Variants in STXBP5L observed in about 807,000 individuals in gnomAD.
The protein encoded by STXBP5L is syntaxin binding protein 5L.
In STXBP5L, 65 loss-of-function variants were observed where a neutral mutation model predicts 144.5. The observed-to-expected ratio is 0.45, with a 90% CI of 0.37 to 0.55. The LOEUF (loss-of-function observed/expected upper bound fraction) is 0.55. Among genes scored for constraint, STXBP5L ranks in the 20% least tolerant of loss-of-function variants. The pLI, the probability that STXBP5L is intolerant of heterozygous loss-of-function variation, is 0.00. For synonymous variants in STXBP5L, 505 were observed against 469.6 expected (o/e 1.08, Z -0.97); for missense variants, 1,298 against 1,405.5 (o/e 0.92, Z 1.22).
At chr3:121,148,930 C>A (rs2045827957) in intron 7 of STXBP5L, among the ~76,000 whole-genome samples, 1 of 151,932 alleles carries the variant, frequency 6.6e-6, no homozygotes, top group South Asian at 2.1e-4. Flanking sequence ...ACTAATGCTA[C>A]AAATATAATA....
chr3:121,242,680 T>C (rs566439572), intron 14 of STXBP5L, among the ~76,000 whole-genome samples: 1 of 152,174 alleles, frequency 6.6e-6, no homozygotes, highest in South Asian at 2.1e-4. Context: ...CATTCAAATA[T>C]AGAGATTGAC....
intron 5 of STXBP5L, among the ~76,000 whole-genome samples, chr3:121,048,310 T>A (rs1947665950): frequency 6.6e-6 from 1 of 152,128 alleles, no homozygotes; most frequent in African/African-American, 2.4e-5. Flanking sequence ...TTGGAGAATC[T>A]AATTATGTGT....
At position 120,974,368 on chromosome 3, in the gene STXBP5L, C is replaced by T. The variant is rs1038379792; in HGVS notation, c.287+19331C>T. Among the ~76,000 whole-genome samples the T allele has an allele frequency of 8.8e-4, 134 of 151,826 alleles. 1 individual carries two copies. Among genetic ancestry groups the T allele is most frequent in the South Asian group, 7.5e-3 (36 of 4,808 alleles). Reference sequence around the variant, plus strand: ...TTGAGAAGTGTCTGTTCATGTCCTTCGCCCACTTTTTGATGGGGTTGTTTG... The same window carrying T: ...TTGAGAAGTGTCTGTTCATGTCCTTTGCCCACTTTTTGATGGGGTTGTTTG... On this transcript the variant is annotated intron_variant, in intron 3 of 26. Transcript: ENST00000471454.
At chr3:121,137,247 A>T (rs920436521) in intron 7 of STXBP5L, among the ~76,000 whole-genome samples, 3 of 141,108 alleles carry the variant, frequency 2.1e-5, no homozygotes, top group South Asian at 2.2e-4. Flanking sequence ...TGAAAAGAAT[A>T]AAAAAAATGT....
chr3:121,210,839 T>C (rs2048533826), intron 10 of STXBP5L, among the ~76,000 whole-genome samples: 1 of 152,194 alleles, frequency 6.6e-6, no homozygotes, highest in African/African-American at 2.4e-5. Context: ...TGTAGCCTTG[T>C]AGTATAGTTT....
chr3:121,367,556 A>G (rs1029363944), intron 20 of STXBP5L, among the ~76,000 whole-genome samples: 1 of 101,224 alleles, frequency 9.9e-6, no homozygotes, highest in Admixed American at 1.1e-4. Flanking sequence ...TCACTTCTCT[A>G]TTGCTGCTTT....
intron 7 of STXBP5L, among the ~76,000 whole-genome samples, chr3:121,126,588 CATG>C (rs2044714096): frequency 6.6e-6 from 1 of 152,084 alleles, no homozygotes; most frequent in African/African-American, 2.4e-5. Flanking sequence ...ATAAAGTAGT[CATG>C]GTGTTTAATT....
chr3:121,402,061 G>A (rs2046890851), intron 22 of STXBP5L, among the ~76,000 whole-genome samples: 1 of 152,112 alleles, frequency 6.6e-6, no homozygotes, highest in Non-Finnish European at 1.5e-5. Flanking sequence ...TAGGCCTAGT[G>A]CATTTTCATT....
rs146262702 is a variant in STXBP5L, at chr3:121,228,862, G to C, written c.1112-4754G>C. 2.4e-4 allele frequency among the ~76,000 whole-genome samples: 37 copies of C among 152,316 alleles called. No homozygotes were observed. In the East Asian group the frequency reaches 6.0e-3, roughly 25 times the overall value. ...ACTGCACTCCAACCTGGGCGATAGAGTGAGACTCCGTCTCAGAAAAGAAAA... is the reference window on the plus strand; with the variant it reads ...ACTGCACTCCAACCTGGGCGATAGACTGAGACTCCGTCTCAGAAAAGAAAA... On this transcript the variant is annotated intron_variant, in intron 11 of 26. Transcript: ENST00000471454.
At chr3:121,188,496 CA>C (rs2047493986) in intron 9 of STXBP5L, among the ~76,000 whole-genome samples, 1 of 68,450 alleles carries the variant, frequency 1.5e-5, no homozygotes, top group African/African-American at 5.0e-5. Flanking sequence ...GGTAGAGACA[CA>C]GCAAAAAAAA....
At chr3:121,332,292 G>A in intron 20 of STXBP5L, among the ~76,000 whole-genome samples, 1 of 149,646 alleles carries the variant, frequency 6.7e-6, no homozygotes, top group East Asian at 2.0e-4. Context: ...TCAAAGGGTT[G>A]ATTATTAAGT....
chr3:121,388,027 T>A (rs1446768753), intron 22 of STXBP5L, among the ~76,000 whole-genome samples: 1 of 152,226 alleles, frequency 6.6e-6, no homozygotes, highest in Non-Finnish European at 1.5e-5. Context: ...ATTCTTCCTA[T>A]CCATGAGCAT....
chr3:121,124,756 A>G (rs1271197313), intron 7 of STXBP5L, among the ~76,000 whole-genome samples: 1 of 152,072 alleles, frequency 6.6e-6, no homozygotes, highest in Non-Finnish European at 1.5e-5. Context: ...ATGGTTATAT[A>G]TATCTTTTTT....
Position 121,391,866 on chromosome 3 carries a change from C to A in STXBP5L, c.2587+10334C>A, listed in dbSNP as rs1171038049. Among the ~76,000 whole-genome samples the A allele has an allele frequency of 2.6e-5, 4 of 152,164 alleles. 1 individual carries two copies. Among genetic ancestry groups the A allele is most frequent in the Admixed American group, 2.0e-4 (3 of 15,266 alleles). On this transcript the variant is annotated intron_variant, in intron 22 of 26. Coordinates refer to ENST00000471454, the MANE Select transcript of STXBP5L (RefSeq NM_001308330.2). Reference sequence around the variant, plus strand: ...AGTTAGTCTACATGGGGTTCAGGGACCCACTTGAGGAGGCAGTCTGTCTGT... The same window carrying A: ...AGTTAGTCTACATGGGGTTCAGGGAACCACTTGAGGAGGCAGTCTGTCTGT...
At chr3:121,404,651 T>C (rs1039547364) in intron 22 of STXBP5L, among the ~76,000 whole-genome samples, 3 of 152,136 alleles carry the variant, frequency 2.0e-5, no homozygotes, top group African/African-American at 4.8e-5. Context: ...GAATCTGAGA[T>C]TTTATTCTAC....
intron 3 of STXBP5L, among the ~76,000 whole-genome samples, chr3:120,987,342 TGTG>T (rs1409183438): frequency 6.6e-6 from 1 of 152,028 alleles, no homozygotes; most frequent in African/African-American, 2.4e-5. Context: ...AAGAACTAAT[TGTG>T]GTACTAATTT....
intron 20 of STXBP5L, among the ~76,000 whole-genome samples, chr3:121,361,610 T>A (rs1376095252): frequency 6.6e-6 from 1 of 152,098 alleles, no homozygotes; most frequent in African/African-American, 2.4e-5. Context: ...AGTTGCATTT[T>A]TCAGCTCCAG....
chr3:120,971,520 C>G (rs905434778), intron 3 of STXBP5L, among the ~76,000 whole-genome samples: 5 of 151,742 alleles, frequency 3.3e-5, no homozygotes, highest in Non-Finnish European at 7.4e-5. Flanking sequence ...CTATTTCTTT[C>G]TATTTCTGAG....
Position 121,045,502 on chromosome 3 carries a change from C to G in STXBP5L, c.437C>G (p.Ala146Gly). Residue 146 changes from alanine (A) to glycine (G), a missense_variant, in exon 5 of 27, where the codon GCC (alanine) becomes GGC (glycine). By Grantham distance (60) the Ala-to-Gly change is moderately conservative. Transcript: ENST00000471454. The part of the protein sequence containing the change: ...HLWNLRQKRP[A>G]ILHSLKFNRE... ...TGGAACCTTAGACAAAAAAGGCCAG[C>G]CATACTCCATTCTCTTAAATTTAAC... 1 of 1,612,976 alleles carries G rather than the reference C, an allele frequency of 6.2e-7. No individual in the cohort carries two copies. Among genetic ancestry groups the G allele is most frequent in the South Asian group, 1.1e-5 (1 of 90,892 alleles).
Sources: gnomAD v4.1 joint callset for allele counts (sites outside exome capture counted in the v4.1 genomes callset) on GRCh38, gnomAD v4.1.1 for gene constraint, MANE v1.5 for transcripts, NCBI Gene and HGNC (gene_info 2026-07-23, HGNC 2026-07-21) for gene names.